The following PRKAR1B variants were observed in gnomAD, a reference collection of about 807,000 sequenced individuals.
PRKAR1B encodes the protein cAMP-dependent protein kinase type I-beta regulatory subunit.
In PRKAR1B, 22 loss-of-function variants were observed where a neutral mutation model predicts 46.5. The ratio of observed to expected loss-of-function variants is 0.47; its 90% CI spans 0.34 to 0.68. The LOEUF is 0.68. PRKAR1B is among the 30% of genes least tolerant of loss of function. The pLI is 0.01. For missense variants in PRKAR1B, 445 were observed against 535.6 expected, an observed-to-expected ratio of 0.83 and a Z score of 1.67; for synonymous variants, 259 against 217.7, an observed-to-expected ratio of 1.19 and a Z score of -1.67.
At chr7:628,813 C>T (rs1362729425) in intron 4 of PRKAR1B, among the ~76,000 whole-genome samples, 1 of 150,022 alleles carries the variant, frequency 6.7e-6, no homozygotes, top group East Asian at 2.0e-4. Context: ...CTCTGAAATT[C>T]CTCGCCCACC....
intron 2 of PRKAR1B, among the ~76,000 whole-genome samples, chr7:682,668 C>T (rs1225694077): frequency 1.3e-5 from 2 of 151,880 alleles, no homozygotes; most frequent in East Asian, 3.9e-4. Context: ...TGGCGTGAAC[C>T]CGGGAGTGAG....
intron 2 of PRKAR1B, among the ~76,000 whole-genome samples, chr7:705,002 C>A (rs1780244389): frequency 6.6e-6 from 1 of 151,648 alleles, no homozygotes; most frequent in South Asian, 2.1e-4. Flanking sequence ...AAAATAAAAC[C>A]ACTTTAGGGC....
chr7:720,502 T>C (rs1781036419), intron 1 of PRKAR1B, among the ~76,000 whole-genome samples: 1 of 152,256 alleles, frequency 6.6e-6, no homozygotes, highest in Non-Finnish European at 1.5e-5. Flanking sequence ...AATTAGATCC[T>C]GTTGGTTGAT....
At chr7:575,308 C>T (rs1252600591) in intron 9 of PRKAR1B, among the ~76,000 whole-genome samples, 1 of 152,238 alleles carries the variant, frequency 6.6e-6, no homozygotes, top group Non-Finnish European at 1.5e-5. Flanking sequence ...GGGTATGCGT[C>T]TCAGAGCACA....
At chr7:556,871 C>G (rs1778476829) in intron 9 of PRKAR1B, among the ~76,000 whole-genome samples, 1 of 152,230 alleles carries the variant, frequency 6.6e-6, no homozygotes, top group South Asian at 2.1e-4. Context: ...CCGGGAAAGT[C>G]TGCGTCATAA....
At chr7:725,213 CAA>C (rs572091049) in intron 1 of PRKAR1B, among the ~76,000 whole-genome samples, 29 of 85,708 alleles carry the variant, frequency 3.4e-4, no homozygotes, top group Admixed American at 4.0e-4. Flanking sequence ...GATTCCATCT[CAA>C]AAAAAAAAAA....
At chr7:647,644 A>G (rs1784684273) in intron 4 of PRKAR1B, among the ~76,000 whole-genome samples, 1 of 151,752 alleles carries the variant, frequency 6.6e-6, no homozygotes, top group Admixed American at 6.6e-5. Context: ...GTCTCTACTA[A>G]AAATACAAAA....
At chr7:557,366 G>A (rs1007685129) in intron 9 of PRKAR1B, among the ~76,000 whole-genome samples, 2 of 152,234 alleles carry the variant, frequency 1.3e-5, no homozygotes, top group African/African-American at 4.8e-5. Context: ...TCAAGAAAGG[G>A]AGACATTTCT....
chr7:664,419 G>A (rs944496646), intron 4 of PRKAR1B, among the ~76,000 whole-genome samples: 1 of 152,186 alleles, frequency 6.6e-6, no homozygotes, highest in Non-Finnish European at 1.5e-5. Context: ...CCTGCCCGGG[G>A]CAGTGGGCCT....
At chr7:708,477 T>C (rs1780445959) in intron 2 of PRKAR1B, among the ~76,000 whole-genome samples, 3 of 152,278 alleles carry the variant, frequency 2.0e-5, no homozygotes, top group Non-Finnish European at 1.5e-5. Context: ...CATCCTCCCA[T>C]ATACTTTTTT....
intron 6 of PRKAR1B, among the ~76,000 whole-genome samples, chr7:604,789 C>G (rs866801272): frequency 6.6e-6 from 1 of 152,198 alleles, no homozygotes; most frequent in Admixed American, 6.5e-5. Flanking sequence ...TCGTGCTGGG[C>G]AGCCGGGGGT....
intron 9 of PRKAR1B, among the ~76,000 whole-genome samples, chr7:553,170 G>A (rs1256381849): frequency 3.9e-5 from 6 of 152,188 alleles, no homozygotes; most frequent in East Asian, 1.9e-4. Context: ...TCCGCCTGCC[G>A]GGAACCTAGG....
chr7:657,003 G>A (rs1459048484), intron 4 of PRKAR1B, among the ~76,000 whole-genome samples: 1 of 151,240 alleles, frequency 6.6e-6, no homozygotes, highest in East Asian at 1.9e-4. Context: ...ATGGATGGAT[G>A]GATGGACGGA....
intron 9 of PRKAR1B, among the ~76,000 whole-genome samples, chr7:577,061 C>T (rs545485618): frequency 1.6e-4 from 24 of 151,636 alleles, no homozygotes; most frequent in African/African-American, 4.9e-4. Context: ...CATCAGTCAC[C>T]TCACCCAATG....
At chr7:642,398 T>C (rs1784431104) in intron 4 of PRKAR1B, among the ~76,000 whole-genome samples, 1 of 152,188 alleles carries the variant, frequency 6.6e-6, no homozygotes, top group South Asian at 2.1e-4. Flanking sequence ...GTGAATTTTA[T>C]CATATATGAA....
intron 4 of PRKAR1B, among the ~76,000 whole-genome samples, chr7:657,404 G>A (rs1785270450): frequency 1.3e-5 from 2 of 149,536 alleles, no homozygotes; most frequent in African/African-American, 4.9e-5. Flanking sequence ...TGGATGGATG[G>A]ATGGATGGAT....
At chr7:690,073 G>C (rs1779327596) in intron 2 of PRKAR1B, among the ~76,000 whole-genome samples, 1 of 151,710 alleles carries the variant, frequency 6.6e-6, no homozygotes, top group Non-Finnish European at 1.5e-5. Context: ...AAGGCAGGAG[G>C]ATCACTTGAG....
chr7:621,718 G>A (rs962861647), intron 4 of PRKAR1B, among the ~76,000 whole-genome samples: 1 of 152,250 alleles, frequency 6.6e-6, no homozygotes, highest in Non-Finnish European at 1.5e-5. Context: ...ATCATGTGTG[G>A]TACAAGTCCC....
At chr7:704,230 A>G (rs1780199041) in intron 2 of PRKAR1B, among the ~76,000 whole-genome samples, 1 of 152,186 alleles carries the variant, frequency 6.6e-6, no homozygotes, top group African/African-American at 2.4e-5. Flanking sequence ...TAAAATCTAA[A>G]CAAAAATAGA....
Sources: gnomAD v4.1 joint callset for allele counts (sites outside exome capture counted in the v4.1 genomes callset) on GRCh38, gnomAD v4.1.1 for gene constraint, MANE v1.5 for transcripts, NCBI Gene and HGNC (gene_info 2026-07-23, HGNC 2026-07-21) for gene names.